SEL1L3: variants seen among roughly 807,000 people sequenced by gnomAD.
SEL1L3 encodes protein sel-1 homolog 3.
In SEL1L3, 76 loss-of-function variants were observed where a neutral mutation model predicts 142.8. That is an observed-to-expected ratio of 0.53 (90% CI 0.44 to 0.64). The LOEUF (loss-of-function observed/expected upper bound fraction) is 0.64, where lower values mean the gene tolerates loss of function less well. Among genes scored for constraint, SEL1L3 ranks in the 30% least tolerant of loss-of-function variants. The probability of loss-of-function intolerance (pLI) is 0.00; values close to 1 mark genes in which losing one functional copy is unlikely to be tolerated. For missense variants in SEL1L3, 1,262 were observed against 1,381.7 expected (o/e 0.91, Z 1.37); for synonymous variants, 504 against 519.6 (o/e 0.97, Z 0.41).
chr4:25,783,931 C>T (rs867721919), intron 14 of SEL1L3, among the ~76,000 whole-genome samples: 4 of 152,116 alleles, frequency 2.6e-5, no homozygotes, highest in African/African-American at 9.7e-5. Context: ...GTTATCAGGG[C>T]AGCTCCTGAT....
At chr4:25,793,309 G>T (rs1316525471) in intron 11 of SEL1L3, among the ~76,000 whole-genome samples, 1 of 152,060 alleles carries the variant, frequency 6.6e-6, no homozygotes, top group Non-Finnish European at 1.5e-5. Context: ...CTGAGACAGG[G>T]TCTCACTCTG....
In SEL1L3 at chr4:25,771,651, G is replaced by A. The variant is rs913087621; in HGVS notation, c.2670-3821C>T. 2.0e-5 allele frequency among the ~76,000 whole-genome samples: 3 copies of A among 152,284 alleles called. No homozygotes were observed. The East Asian group carries it at 5.8e-4, about 29-fold the overall frequency. On this transcript the variant is annotated intron_variant, in intron 17 of 23. Transcript: ENST00000399878. ...GTGAATTTCTTTCACCTGGAGCTAT[G>A]TATGCTTACTTGCCTTGCCTCAAGC...
chr4:25,756,650 G>A, intron 23 of SEL1L3: 1 of 1,011,842 alleles, frequency 9.9e-7, no homozygotes, highest in Non-Finnish European at 1.2e-6. Flanking sequence ...ACAGAAGCAA[G>A]CAGGGCTCCC....
chr4:25,727,269 G>T, the SEL1L3 span, among the ~76,000 whole-genome samples: 1 of 152,044 alleles, frequency 6.6e-6, no homozygotes, highest in Non-Finnish European at 1.5e-5. Flanking sequence ...GGCCAGGATG[G>T]TCTTGATCTC....
rs561854508 is a variant in SEL1L3, at chr4:25,858,539, TTTG to T, written c.162+4133_162+4135del. On this transcript the variant is annotated intron_variant, in intron 1 of 23. Coordinates refer to ENST00000399878, the MANE Select transcript of SEL1L3 (RefSeq NM_015187.5). ...GTCCCACATGTATCTGTTCTGTTTT[TTTG>T]TTGTTGTTGTTTTGTTTTTGTTTTT... is the stretch of plus-strand genomic sequence containing the variant. Among the ~76,000 whole-genome samples the T allele has an allele frequency of 7.8e-4, 119 of 152,236 alleles. 1 individual carries two copies. The highest frequency in any genetic ancestry group is 7.7e-3 in the South Asian group (37 of 4,818).
the SEL1L3 span, among the ~76,000 whole-genome samples, chr4:25,733,033 A>G: frequency 6.7e-6 from 1 of 150,122 alleles, no homozygotes; most frequent in Non-Finnish European, 1.5e-5. Flanking sequence ...GGCATGAGCC[A>G]CTGCGCCTGG....
At chr4:25,738,442 A>G in the SEL1L3 span, among the ~76,000 whole-genome samples, 1 of 152,142 alleles carries the variant, frequency 6.6e-6, no homozygotes, top group Non-Finnish European at 1.5e-5. Flanking sequence ...TCCTGACACT[A>G]GAGCTTTTGC....
intron 9 of SEL1L3, among the ~76,000 whole-genome samples, chr4:25,807,899 G>A (rs979087644): frequency 4.6e-5 from 7 of 151,986 alleles, no homozygotes; most frequent in South Asian, 2.1e-4. Flanking sequence ...TATTTCTTTC[G>A]TATGTGAAAT....
chr4:25,850,849 G>T (rs539107267), intron 1 of SEL1L3, among the ~76,000 whole-genome samples: 65 of 151,030 alleles, frequency 4.3e-4, no homozygotes, highest in African/African-American at 1.3e-3. Context: ...TCTTTTTTTT[G>T]TTTGTTTGTT....
At chr4:25,803,887 T>C (rs1713365507) in intron 10 of SEL1L3, among the ~76,000 whole-genome samples, 1 of 152,184 alleles carries the variant, frequency 6.6e-6, no homozygotes, top group African/African-American at 2.4e-5. Flanking sequence ...GGAATTACAC[T>C]ATTGGCTTTC....
intron 17 of SEL1L3, chr4:25,770,602 T>C (rs1719092334): frequency 6.6e-6 from 1 of 151,668 alleles, no homozygotes; most frequent in South Asian, 2.1e-4. Context: ...TAGCTGGACT[T>C]GGTGGTGGGC....
intron 5 of SEL1L3, among the ~76,000 whole-genome samples, chr4:25,831,079 C>T (rs1715408462): frequency 6.6e-6 from 1 of 152,010 alleles, no homozygotes; most frequent in Non-Finnish European, 1.5e-5. Context: ...AATTTTTTGC[C>T]CCCACTTATC....
At chr4:25,718,196 T>C in the SEL1L3 span, 1 of 152,192 alleles carries the variant, frequency 6.6e-6, no homozygotes, top group East Asian at 1.9e-4. Context: ...TAATATAATA[T>C]GCAAGTGTCC....
At chr4:25,771,759 T>A (rs1013550812) in intron 17 of SEL1L3, among the ~76,000 whole-genome samples, 1 of 152,188 alleles carries the variant, frequency 6.6e-6, no homozygotes, top group African/African-American at 2.4e-5. Context: ...AGCTTGCAGA[T>A]AAAATAGATA....
chr4:25,805,370 C>T (rs1053450805), intron 9 of SEL1L3, among the ~76,000 whole-genome samples: 1 of 152,094 alleles, frequency 6.6e-6, no homozygotes, highest in South Asian at 2.1e-4. Context: ...ATTTTTTACA[C>T]GAAGAGACTG....
At chr4:25,821,932 A>G in intron 7 of SEL1L3, 64 bp downstream of exon 7, 1 of 1,534,890 alleles carries the variant, frequency 6.5e-7, no homozygotes, top group Non-Finnish European at 8.8e-7. Context: ...ACTGGGTGGC[A>G]CACCCCTGAG....
At chr4:25,752,892 C>A (rs919041570) in intron 23 of SEL1L3, among the ~76,000 whole-genome samples, 1 of 152,222 alleles carries the variant, frequency 6.6e-6, no homozygotes, top group African/African-American at 2.4e-5. Context: ...AAGTGCTAGG[C>A]GTGAGCCACT....
intron 23 of SEL1L3, among the ~76,000 whole-genome samples, chr4:25,750,129 A>G (rs1250910246): frequency 3.3e-5 from 5 of 151,440 alleles, no homozygotes; most frequent in African/African-American, 1.2e-4. Flanking sequence ...AGCTACTCGG[A>G]AGGCTAAAGC....
At chr4:25,794,904 A>G (rs936728119) in intron 11 of SEL1L3, among the ~76,000 whole-genome samples, 6 of 152,182 alleles carry the variant, frequency 3.9e-5, no homozygotes, top group African/African-American at 1.4e-4. Flanking sequence ...TGTCCTCTGA[A>G]GGGACATGGA....
Sources: allele counts gnomAD v4.1 joint callset (sites outside exome capture counted in the v4.1 genomes callset), GRCh38; gene constraint gnomAD v4.1.1; transcripts MANE v1.5; gene names NCBI Gene and HGNC (gene_info 2026-07-23, HGNC 2026-07-21).